The following WASHC2A variants were observed in gnomAD, a reference collection of about 807,000 sequenced individuals.
The protein encoded by WASHC2A is WASH complex subunit FAM21A.
Under a neutral mutation model 140.3 loss-of-function variants are expected in WASHC2A, and 82 were observed. That is an observed-to-expected ratio of 0.58 (90% confidence interval 0.49 to 0.70). The LOEUF is 0.70. Among genes scored for constraint, WASHC2A ranks in the 30% least tolerant of loss-of-function variants. The pLI is 0.00. For synonymous variants in WASHC2A, 340 were observed against 560.8 expected (o/e 0.61, Z 5.56); for missense variants, 985 against 1,521.8 (o/e 0.65, Z 5.87).
chr10:50,088,043 T>TCCTG (rs1173028026), intron 8 of WASHC2A, among the ~76,000 whole-genome samples: 1 of 151,906 alleles, frequency 6.6e-6, no homozygotes, highest in Admixed American at 6.6e-5. Context: ...GGTCTCGAGC[T>TCCTG]CCTGACCTCA....
chr10:50,078,396 T>G (rs1838560121), intron 3 of WASHC2A, among the ~76,000 whole-genome samples: 2 of 152,328 alleles, frequency 1.3e-5, no homozygotes, highest in African/African-American at 4.8e-5. Flanking sequence ...TATCTTACTG[T>G]TTTTGCAACT....
At chr10:50,088,552 G>A (rs1208662991) in intron 8 of WASHC2A, among the ~76,000 whole-genome samples, 1 of 151,300 alleles carries the variant, frequency 6.6e-6, no homozygotes, top group African/African-American at 2.4e-5. Context: ...GAGCCACCAC[G>A]CCCAGCCAAT....
In WASHC2A at chr10:50,104,147, A is replaced by G; in HGVS notation, c.1737+4A>G. The G allele has an allele frequency of 6.7e-7, 1 of 1,491,076 alleles. No individual in the cohort carries two copies. The highest frequency in any genetic ancestry group is 1.1e-5 in the South Asian group (1 of 87,264). The allele number at this position is 1,491,076 out of a possible 1,614,324, so 92.4% of individuals were successfully genotyped here. Reference sequence around the variant, plus strand: ...GTTTGATGATGAAGATGAAGAGGTAAACATTGTTATTGTAACACTAGATAA... The same window carrying G: ...GTTTGATGATGAAGATGAAGAGGTAGACATTGTTATTGTAACACTAGATAA... On this transcript the variant is annotated splice_donor_region_variant and intron_variant, in intron 18 of 30. Transcript: ENST00000282633.
intron 2 of WASHC2A, among the ~76,000 whole-genome samples, chr10:50,069,147 C>T (rs1837563793): frequency 6.6e-6 from 1 of 152,052 alleles, no homozygotes; most frequent in South Asian, 2.1e-4. Flanking sequence ...AGCATTCCAG[C>T]CGGGCACAGT....
rs562202321 is a variant in WASHC2A at position 50,092,383 on chromosome 10, C to T, written c.1003+150C>T. The T allele has an allele frequency of 3.9e-5, 59 of 1,530,232 alleles. No homozygotes were observed. In the African/African-American group the frequency reaches 5.2e-4, roughly 14 times the overall value. The allele number at this position is 1,530,232 out of a possible 1,614,324, so 94.8% of individuals were successfully genotyped here. A position where few individuals can be genotyped will look rare whatever the true frequency, so the allele number is the denominator to read the frequency against. ...ACTTTTCTAAAGCCTCTGGGCTGGG[C>T]GCGGTGGCTCACACCTGTAATCCCA... On this transcript the variant is annotated intron_variant, in intron 11 of 30. Coordinates refer to ENST00000282633, the MANE Select transcript of WASHC2A (RefSeq NM_001005751.3).
chr10:50,100,155 A>C, intron 17 of WASHC2A, 91 bp downstream of exon 17: 1 of 1,430,032 alleles, frequency 7.0e-7, no homozygotes, highest in Non-Finnish European at 9.6e-7. Flanking sequence ...ATAGAGTTAT[A>C]AGACTTTTTG....
chr10:50,109,980 A>T (rs574925310), intron 19 of WASHC2A, 121 bp from the exon 20 acceptor site: 2 of 1,148,910 alleles, frequency 1.7e-6, no homozygotes, highest in African/African-American at 3.1e-5. Flanking sequence ...CCATGTTAGC[A>T]AGGATGGTCT....
At chr10:50,080,034 GAAT>G (rs1314055250) in intron 4 of WASHC2A, among the ~76,000 whole-genome samples, 3 of 151,378 alleles carry the variant, frequency 2.0e-5, no homozygotes, top group African/African-American at 7.3e-5. Context: ...GTTCCTTCTA[GAAT>G]ATTTGTAGAG....
chr10:50,089,766 G>C (rs1839708245), intron 8 of WASHC2A, among the ~76,000 whole-genome samples: 1 of 152,040 alleles, frequency 6.6e-6, no homozygotes, highest in Non-Finnish European at 1.5e-5. Flanking sequence ...TCTTACTAAG[G>C]TAAGACTATG....
At chr10:50,127,957 C>G (rs1484524475) in intron 28 of WASHC2A, among the ~76,000 whole-genome samples, 162 bp downstream of exon 28, 1 of 152,112 alleles carries the variant, frequency 6.6e-6, no homozygotes, top group Non-Finnish European at 1.5e-5. Context: ...CTCCCCACCC[C>G]CCTCATCCTG....
intron 6 of WASHC2A, among the ~76,000 whole-genome samples, chr10:50,084,614 A>G (rs1839223591): frequency 6.6e-6 from 1 of 151,610 alleles, no homozygotes; most frequent in Non-Finnish European, 1.5e-5. Context: ...TATTTTTAGT[A>G]GAGACGGGGT....
chr10:50,101,162 G>T (rs1393590890), intron 17 of WASHC2A, among the ~76,000 whole-genome samples: 1 of 152,312 alleles, frequency 6.6e-6, no homozygotes, highest in Non-Finnish European at 1.5e-5. Context: ...TGTACAAAAC[G>T]TAGGAATTAA....
At chr10:50,070,085 TG>T (rs1837667868) in intron 3 of WASHC2A, among the ~76,000 whole-genome samples, 1 of 152,182 alleles carries the variant, frequency 6.6e-6, no homozygotes, top group Non-Finnish European at 1.5e-5. Flanking sequence ...ACTTGTTGAT[TG>T]GGGTCATTCT....
intron 5 of WASHC2A, among the ~76,000 whole-genome samples, chr10:50,082,080 T>C (rs1554879896): frequency 6.6e-6 from 1 of 152,042 alleles, no homozygotes; most frequent in African/African-American, 2.4e-5. Context: ...AAGTCAGCAG[T>C]GGACTCTGGG....
rs770854166 is a variant in WASHC2A, at chr10:50,129,494, G to A, written c.3163G>A (p.Glu1055Lys). The change falls in exon 29 of 31, where the codon GAG becomes AAG. Residue 1055 changes from glutamate (E) to lysine (K), a missense_variant. Coordinates refer to ENST00000282633, the MANE Select transcript of WASHC2A (RefSeq NM_001005751.3). ...ARRLAAQESSETEDMSVPRGP... is the reference protein window; with the variant it reads ...ARRLAAQESSKTEDMSVPRGP... ...GCGGCTGGCTGCTCAGGAGTCCAGCGAGACTGAGGACATGAGCGTCCCCAG... is the reference window on the plus strand; with the variant it reads ...GCGGCTGGCTGCTCAGGAGTCCAGCAAGACTGAGGACATGAGCGTCCCCAG... 1.9e-6 allele frequency: 3 copies of A among 1,612,052 alleles called. No individual in the cohort carries two copies. The highest frequency in any genetic ancestry group is 1.3e-5 in the African/African-American group (1 of 74,980).
At chr10:50,068,632 G>C (rs2597046) in intron 2 of WASHC2A, among the ~76,000 whole-genome samples, 11,458 of 131,042 alleles carry the variant, frequency 0.087, 689 homozygotes, top group Middle Eastern at 0.11. Context: ...CAGAACTGTT[G>C]GAGTCCCAAA....
At position 50,127,764 on chromosome 10, in the gene WASHC2A, C is replaced by T; in HGVS notation, c.3056C>T (p.Ala1019Val). The T allele has an allele frequency of 2.6e-6, 4 of 1,535,726 alleles. No homozygotes were observed. The highest frequency in any genetic ancestry group is 3.9e-5 in the Admixed American group (2 of 51,802). Residue 1019 changes from alanine (A) to valine (V), a missense_variant, in exon 28 of 31, where the codon GCT (alanine) becomes GTT (valine). Physicochemically the swap from Ala to Val is moderately conservative, Grantham distance 64 (BLOSUM62 0). Coordinates refer to ENST00000282633, the MANE Select transcript of WASHC2A (RefSeq NM_001005751.3). ...GCCGGTGTGAGTTTTGATCTTCCAG[C>T]TCAGGCAGACACCTTACACAGTGCA... is the stretch of plus-strand genomic sequence containing the variant. ...GEAGVSFDLP[A>V]QADTLHSANK...
rs781928941 is a variant in WASHC2A, at chr10:50,068,078, C to T, written c.4-27C>T. On this transcript the variant is annotated intron_variant, in intron 1 of 30. Transcript: ENST00000282633. ...CCGTCCCTGCCGCCCTCAGGCTCAGCTTCTCTTCTCGTTTTTTTCGCTGCA... is the reference window on the plus strand; with the variant it reads ...CCGTCCCTGCCGCCCTCAGGCTCAGTTTCTCTTCTCGTTTTTTTCGCTGCA... 1.3e-5 allele frequency: 21 copies of T among 1,609,176 alleles called. No homozygotes were observed. The Admixed American group carries it at 3.2e-4, about 24-fold the overall frequency.
Position 50,097,453 on chromosome 10 carries a change from G to A in WASHC2A, c.1421-222G>A, listed in dbSNP as rs541935339. On this transcript the variant is annotated intron_variant, in intron 15 of 30. Coordinates refer to ENST00000282633, the MANE Select transcript of WASHC2A (RefSeq NM_001005751.3). ...CTGCTTGGATAAGCATGTCAGCCAC[G>A]TGGATAAACTGTCTGTTCTGTCTTT... Among the ~76,000 whole-genome samples the A allele has an allele frequency of 4.3e-4, 63 of 146,356 alleles. 1 individual carries two copies. Among genetic ancestry groups the A allele is most frequent in the African/African-American group, 1.5e-3 (61 of 40,608 alleles).
Sources: allele counts gnomAD v4.1 joint callset (sites outside exome capture counted in the v4.1 genomes callset), GRCh38; gene constraint gnomAD v4.1.1; transcripts MANE v1.5; gene names NCBI Gene and HGNC (gene_info 2026-07-23, HGNC 2026-07-21).